UGGT1: variants seen among roughly 807,000 people sequenced by gnomAD.
UGGT1 encodes the protein UDP-glucose:glycoprotein glucosyltransferase 1.
In UGGT1, 107 loss-of-function variants were observed where a neutral mutation model predicts 203.9. That is an observed-to-expected ratio of 0.52 (90% CI 0.45 to 0.62). The LOEUF is 0.62. Among genes scored for constraint, UGGT1 ranks in the 20% least tolerant of loss-of-function variants. The pLI is 0.00. For synonymous variants in UGGT1, 628 were observed against 653.5 expected (o/e 0.96, Z 0.59); for missense variants, 1,673 against 1,867.2 (o/e 0.90, Z 1.92).
At chr2:128,180,771 A>C in intron 35 of UGGT1, 119 bp from the exon 36 acceptor site, 2 of 1,055,640 alleles carry the variant, frequency 1.9e-6, no homozygotes, top group Non-Finnish European at 2.7e-6. Flanking sequence ...TCTTTGTAAG[A>C]CCACTGTTTT....
intron 13 of UGGT1, among the ~76,000 whole-genome samples, chr2:128,129,443 G>T (rs1453177974): frequency 6.7e-6 from 1 of 150,290 alleles, no homozygotes; most frequent in Non-Finnish European, 1.5e-5. Flanking sequence ...CTGTTGTCCA[G>T]GCTGGAGTGC....
At chr2:128,172,472 A>C in intron 28 of UGGT1, 101 bp from the exon 29 acceptor site, 1 of 1,352,682 alleles carries the variant, frequency 7.4e-7, no homozygotes, top group Non-Finnish European at 1.0e-6. Context: ...TACTCCTCCA[A>C]ATCTAATTTG....
At chr2:128,159,395 G>A (rs573770746) in intron 22 of UGGT1, 119 bp from the exon 23 acceptor site, 120 of 969,044 alleles carry the variant, frequency 1.2e-4, no homozygotes, top group African/African-American at 1.1e-3. Flanking sequence ...CACTGCGCCC[G>A]GCCTGAGACT....
chr2:128,182,402 A>T, intron 37 of UGGT1, 112 bp downstream of exon 37: 1 of 1,342,760 alleles, frequency 7.4e-7, no homozygotes, highest in Non-Finnish European at 1.0e-6. Context: ...AATAAAAATG[A>T]TAAAAAATAC....
chr2:128,105,083 G>GT (rs1376186806), intron 3 of UGGT1, among the ~76,000 whole-genome samples: 4 of 150,472 alleles, frequency 2.7e-5, no homozygotes, highest in African/African-American at 7.3e-5. Context: ...AGGTCTCACT[G>GT]TGTTGCCCAG....
At chr2:128,138,637 GA>G in intron 15 of UGGT1, 79 bp from the exon 16 acceptor site, 42 of 1,498,870 alleles carry the variant, frequency 2.8e-5, no homozygotes, top group Non-Finnish European at 3.4e-5. Context: ...TAATGTATGA[GA>G]AGGGTACAAG....
chr2:128,172,439 A>G, intron 28 of UGGT1, 134 bp from the exon 29 acceptor site: 1 of 1,214,542 alleles, frequency 8.2e-7, no homozygotes, highest in Admixed American at 2.4e-5. Flanking sequence ...GGTTTTGGAA[A>G]CACTTTTCCC....
At chr2:128,099,586 AG>A (rs906777060) in intron 2 of UGGT1, among the ~76,000 whole-genome samples, 12 of 152,192 alleles carry the variant, frequency 7.9e-5, no homozygotes, top group Admixed American at 7.9e-4. Flanking sequence ...GACCAGTGGG[AG>A]GGGGCATGTG....
intron 2 of UGGT1, among the ~76,000 whole-genome samples, chr2:128,098,552 T>A (rs1687217845): frequency 6.6e-6 from 1 of 152,100 alleles, no homozygotes; most frequent in Non-Finnish European, 1.5e-5. Context: ...GTCCAGGAAT[T>A]TGAGACCAGC....
At chr2:128,115,769 T>C (rs1688071701) in intron 7 of UGGT1, among the ~76,000 whole-genome samples, 1 of 152,202 alleles carries the variant, frequency 6.6e-6, no homozygotes, top group Non-Finnish European at 1.5e-5. Context: ...TTTTAAATGC[T>C]ATTTTTTCAT....
intron 20 of UGGT1, 72 bp from the exon 21 acceptor site, chr2:128,156,320 C>G: frequency 8.2e-7 from 1 of 1,218,544 alleles, no homozygotes; most frequent in East Asian, 2.3e-5. Flanking sequence ...TTTAGACTTT[C>G]AATTTTTACA....
rs747692506 is a variant in UGGT1 at position 128,146,079 on chromosome 2, G to A, written c.2016+112G>A. Reference sequence around the variant, plus strand: ...GTATCACTATTTGGGAGGCTGAGGCGAGAGGATGGTTTGAGGGTAGGAAGT... The same window carrying A: ...GTATCACTATTTGGGAGGCTGAGGCAAGAGGATGGTTTGAGGGTAGGAAGT... On this transcript the variant is annotated intron_variant, in intron 18 of 40. Coordinates refer to ENST00000259253, the MANE Select transcript of UGGT1 (RefSeq NM_020120.4). 2.5e-5 allele frequency: 32 copies of A among 1,305,840 alleles called. 1 individual carries two copies. The highest frequency in any genetic ancestry group is 7.5e-5 in the East Asian group (3 of 39,886). 80.9% of individuals were successfully genotyped at this position (1,305,840 alleles called of 1,614,324 possible). A position where few individuals can be genotyped will look rare whatever the true frequency, so the allele number is the denominator to read the frequency against.
At chr2:128,188,276 C>G (rs1034993814) in intron 40 of UGGT1, among the ~76,000 whole-genome samples, 3 of 151,726 alleles carry the variant, frequency 2.0e-5, no homozygotes, top group Non-Finnish European at 4.4e-5. Context: ...AACTCCTGAC[C>G]CAAGTGATCC....
At chr2:128,093,491 G>A (rs1362636447) in intron 1 of UGGT1, among the ~76,000 whole-genome samples, 2 of 151,838 alleles carry the variant, frequency 1.3e-5, no homozygotes, top group African/African-American at 4.8e-5. Context: ...GTGTGGATCT[G>A]TCAGATTGGT....
Position 128,155,564 on chromosome 2 carries a change from G to T in UGGT1, c.2213G>T (p.Ser738Ile). The T allele has an allele frequency of 6.2e-7, 1 of 1,612,560 alleles. No homozygotes were observed. The highest frequency in any genetic ancestry group is 8.5e-7 in the Non-Finnish European group (1 of 1,179,456). ...SQGKTAAVANSMNYLTKKGMS... is the reference protein window; with the variant it reads ...SQGKTAAVANIMNYLTKKGMS... Reference sequence around the variant, plus strand: ...GGCAAGACTGCTGCTGTAGCCAATAGTATGAACTATCTGACAAAGAAAGGT... The same window carrying T: ...GGCAAGACTGCTGCTGTAGCCAATATTATGAACTATCTGACAAAGAAAGGT... Residue 738 changes from serine to isoleucine, a missense_variant, in exon 20 of 41, where the codon AGT becomes ATT. Ser to Ile is a moderately radical substitution (Grantham distance 142, BLOSUM62 -2). Coordinates refer to ENST00000259253, the MANE Select transcript of UGGT1 (RefSeq NM_020120.4).
intron 36 of UGGT1, 105 bp downstream of exon 36, chr2:128,181,177 A>T: frequency 8.9e-7 from 1 of 1,129,434 alleles, no homozygotes; most frequent in Non-Finnish European, 1.3e-6. Context: ...TGCTTATTTT[A>T]CATTTAGAAA....
chr2:128,137,931 C>G (rs1209724123), intron 15 of UGGT1, among the ~76,000 whole-genome samples: 1 of 152,130 alleles, frequency 6.6e-6, no homozygotes, highest in African/African-American at 2.4e-5. Flanking sequence ...ATCTGATAAA[C>G]TTTAACCTTG....
At chr2:128,119,437 GA>G (rs879873461) in intron 8 of UGGT1, among the ~76,000 whole-genome samples, 44 of 136,706 alleles carry the variant, frequency 3.2e-4, no homozygotes, top group Admixed American at 3.6e-4. Flanking sequence ...CTGTCTCAAA[GA>G]AAAAAAAAAA....
chr2:128,125,098 G>T (rs6718077), intron 11 of UGGT1, among the ~76,000 whole-genome samples: 135,539 of 152,164 alleles, frequency 0.89, 61,356 homozygotes, highest in Non-Finnish European at 0.98. Context: ...TCAGTCTTCT[G>T]GCTGGTGGGT....
Sources: allele counts gnomAD v4.1 joint callset (sites outside exome capture counted in the v4.1 genomes callset), GRCh38; gene constraint gnomAD v4.1.1; transcripts MANE v1.5; gene names NCBI Gene and HGNC (gene_info 2026-07-23, HGNC 2026-07-21).